The following PKHD1 variants were observed in gnomAD, a reference collection of about 807,000 sequenced individuals.
The protein encoded by PKHD1 is PKHD1 ciliary IPT domain containing fibrocystin/polyductin.
PKHD1 carries 291 observed loss-of-function variants against 412.0 expected under a neutral mutation model. The ratio of observed to expected loss-of-function variants is 0.71; its 90% CI spans 0.64 to 0.78. The LOEUF is 0.78. PKHD1 is among the 30% of genes least tolerant of loss of function. PKHD1 has a pLI of 0.00. For missense variants in PKHD1, 4,825 were observed against 4,950.7 expected, an observed-to-expected ratio of 0.97 and a Z score of 0.76; for synonymous variants, 1,777 against 1,821.5, an observed-to-expected ratio of 0.98 and a Z score of 0.62.
intron 51 of PKHD1, among the ~76,000 whole-genome samples, chr6:51,832,991 T>C (rs923917580): frequency 3.9e-5 from 6 of 152,190 alleles, no homozygotes; most frequent in Admixed American, 2.0e-4. Flanking sequence ...ACTCCAATAC[T>C]GTAATACCTT....
At chr6:51,769,591 A>G (rs756844322) in intron 55 of PKHD1, among the ~76,000 whole-genome samples, 3 of 151,604 alleles carry the variant, frequency 2.0e-5, no homozygotes, top group Non-Finnish European at 4.4e-5. Flanking sequence ...TAATCTTACT[A>G]ATTTTCTACT....
At chr6:51,637,660 C>T (rs974181938) in intron 64 of PKHD1, among the ~76,000 whole-genome samples, 70 of 151,096 alleles carry the variant, frequency 4.6e-4, no homozygotes, top group Non-Finnish European at 1.3e-4. Context: ...AATCCCAGCA[C>T]TTAGGGAGGC....
intron 61 of PKHD1, among the ~76,000 whole-genome samples, chr6:51,654,196 C>A (rs1260502983): frequency 1.3e-5 from 2 of 152,006 alleles, no homozygotes; most frequent in Non-Finnish European, 2.9e-5. Flanking sequence ...ACCTTGACCA[C>A]CTAATAAATT....
chr6:51,715,934 G>A lies in PKHD1; in HGVS notation c.10156+28451C>T, dbSNP rs368802396. On this transcript the variant is annotated intron_variant, in intron 60 of 66. Coordinates refer to ENST00000371117, the MANE Select transcript of PKHD1 (RefSeq NM_138694.4). ...TTCAAATGGAGTCCGGAAGCCCAGAGTCCAGAAGTCCAAACTGTCTTCAGA... is the reference window on the plus strand; with the variant it reads ...TTCAAATGGAGTCCGGAAGCCCAGAATCCAGAAGTCCAAACTGTCTTCAGA... 5.9e-5 allele frequency among the ~76,000 whole-genome samples: 9 copies of A among 152,198 alleles called. No homozygotes were observed. In the South Asian group the frequency reaches 6.2e-4, roughly 10 times the overall value.
At chr6:51,919,190 T>C (rs1784296874) in intron 37 of PKHD1, among the ~76,000 whole-genome samples, 1 of 152,270 alleles carries the variant, frequency 6.6e-6, no homozygotes, top group Admixed American at 6.5e-5. Flanking sequence ...GTTTTAGTCA[T>C]GAAGTCCTTG....
chr6:51,669,367 G>A (rs1270636689), intron 60 of PKHD1, among the ~76,000 whole-genome samples: 3 of 152,114 alleles, frequency 2.0e-5, no homozygotes, highest in Non-Finnish European at 4.4e-5. Context: ...ATGGTAGTTT[G>A]TATTTCTGTG....
chr6:51,870,516 A>C lies in PKHD1; in HGVS notation c.7474T>G (p.Ser2492Ala). The C allele has an allele frequency of 1.2e-6, 2 of 1,612,088 alleles. No homozygotes were observed. Among genetic ancestry groups the C allele is most frequent in the South Asian group, 2.2e-5 (2 of 91,018 alleles). The change falls in exon 47 of 67, where the codon TCC becomes GCC. Residue 2492 changes from serine (S) to alanine (A), a missense_variant. Transcript: ENST00000371117. ...CVAIRTCSDC[S>A]QGQGGFTVKT... is the part of the protein sequence containing the mutation. ...TTCAAATAATTACCTTGTCCTTGGG[A>C]ACAGTCTGAACAGGTTCTAATGGCC...
intron 60 of PKHD1, among the ~76,000 whole-genome samples, chr6:51,737,569 T>A (rs1784011739): frequency 6.6e-6 from 1 of 152,226 alleles, no homozygotes; most frequent in Non-Finnish European, 1.5e-5. Flanking sequence ...GAGAGCTAAT[T>A]CTTGATTATT....
At chr6:51,675,912 C>T (rs755443653) in intron 60 of PKHD1, among the ~76,000 whole-genome samples, 10 of 152,138 alleles carry the variant, frequency 6.6e-5, no homozygotes, top group Non-Finnish European at 1.0e-4. Context: ...GCATGTGTGC[C>T]TATGAGCACT....
At chr6:51,949,819 A>T (rs1313927896) in intron 36 of PKHD1, among the ~76,000 whole-genome samples, 1 of 152,108 alleles carries the variant, frequency 6.6e-6, no homozygotes, top group Non-Finnish European at 1.5e-5. Context: ...CTACTAATTA[A>T]TCAAGCACAG....
rs75914518 is a variant in PKHD1 at position 51,619,707 on chromosome 6, C to T, written c.11786-187G>A. Among the ~76,000 whole-genome samples the T allele has an allele frequency of 0.03, 4,592 of 152,096 alleles. 89 individuals carry two copies. The highest frequency in any genetic ancestry group is 0.049 in the African/African-American group (2,045 of 41,476). ...TAATAAAAAATTGGTAATACTTCTT[C>T]CTCAAAAAATACTTACATGATGTTG... On this transcript the variant is annotated intron_variant, in intron 66 of 66. Coordinates refer to ENST00000371117, the MANE Select transcript of PKHD1 (RefSeq NM_138694.4).
intron 35 of PKHD1, among the ~76,000 whole-genome samples, chr6:51,979,345 A>T (rs1794848959): frequency 6.6e-6 from 1 of 152,170 alleles, no homozygotes; most frequent in Non-Finnish European, 1.5e-5. Context: ...TTATTGCAGC[A>T]CTTGGTACAT....
At chr6:51,837,899 T>C (rs892434664) in intron 50 of PKHD1, among the ~76,000 whole-genome samples, 1 of 152,146 alleles carries the variant, frequency 6.6e-6, no homozygotes, top group Admixed American at 6.5e-5. Flanking sequence ...TGCCACATGT[T>C]GAGACCTGGT....
At chr6:52,024,247 G>C (rs1801812682) in intron 32 of PKHD1, among the ~76,000 whole-genome samples, 1 of 152,122 alleles carries the variant, frequency 6.6e-6, no homozygotes, top group African/African-American at 2.4e-5. Flanking sequence ...ACTAGGTGAA[G>C]GCATTTACGT....
At chr6:51,890,611 G>C (rs1233604739) in intron 43 of PKHD1, among the ~76,000 whole-genome samples, 1 of 151,916 alleles carries the variant, frequency 6.6e-6, no homozygotes, top group Admixed American at 6.6e-5. Context: ...TCCAAATCTG[G>C]AGAGCATCTT....
intron 34 of PKHD1, among the ~76,000 whole-genome samples, chr6:52,012,202 A>G (rs1435455704): frequency 1.3e-5 from 2 of 152,246 alleles, no homozygotes; most frequent in African/African-American, 2.4e-5. Flanking sequence ...ATAATCAAGT[A>G]CCTATTTTGT....
chr6:51,792,724 T>C (rs545216332), intron 52 of PKHD1, among the ~76,000 whole-genome samples: 11 of 152,300 alleles, frequency 7.2e-5, no homozygotes, highest in African/African-American at 2.4e-4. Context: ...TGTAGAGCAG[T>C]GGTTCTCAAA....
chr6:52,048,610 G>A lies in PKHD1; in HGVS notation c.2289C>T (p.Pro763=), dbSNP rs2128193127. 1 of 1,614,080 alleles carries A rather than the reference G, an allele frequency of 6.2e-7. No individual in the cohort carries two copies. Among genetic ancestry groups the A allele is most frequent in the Non-Finnish European group, 8.5e-7 (1 of 1,179,968 alleles). ...ELPLITARSV[P]TEGTEEGSGL... is the part of the protein sequence containing the mutation. Reference sequence around the variant, plus strand: ...CAGATCCCTCTTCTGTTCCTTCAGTGGGCACAGAGCTGTGGCACGTCAGAA... The same window carrying A: ...CAGATCCCTCTTCTGTTCCTTCAGTAGGCACAGAGCTGTGGCACGTCAGAA... The change falls in exon 23 of 67, where the codon CCC becomes CCT. Residue 763 remains proline, a synonymous_variant. Coordinates refer to ENST00000371117, the MANE Select transcript of PKHD1 (RefSeq NM_138694.4).
chr6:51,692,102 T>C (rs1778230299), intron 60 of PKHD1, among the ~76,000 whole-genome samples: 1 of 152,152 alleles, frequency 6.6e-6, no homozygotes, highest in African/African-American at 2.4e-5. Context: ...CATCATTCAC[T>C]TAATGCTCAA....
Sources: gnomAD v4.1 joint callset for allele counts (sites outside exome capture counted in the v4.1 genomes callset) on GRCh38, gnomAD v4.1.1 for gene constraint, MANE v1.5 for transcripts, NCBI Gene and HGNC (gene_info 2026-07-23, HGNC 2026-07-21) for gene names.